RERE: variants seen among roughly 807,000 people sequenced by gnomAD.
RERE encodes arginine-glutamic acid dipeptide repeats protein.
RERE carries 40 observed loss-of-function variants against 146.1 expected under a neutral mutation model. That is an observed-to-expected ratio of 0.27 (90% CI 0.21 to 0.36). The LOEUF (loss-of-function observed/expected upper bound fraction) is 0.36. Ranked by LOEUF, RERE falls within the 10% of genes least tolerant of loss-of-function variation. RERE has a pLI of 1.00. For missense variants in RERE, 1,933 were observed against 2,138.7 expected, an observed-to-expected ratio of 0.90 and a Z score of 1.90; for synonymous variants, 1,003 against 866.0, an observed-to-expected ratio of 1.16 and a Z score of -2.78.
intron 1 of RERE, among the ~76,000 whole-genome samples, chr1:8,666,054 T>C (rs1021884834): frequency 2.0e-5 from 3 of 152,134 alleles, no homozygotes; most frequent in South Asian, 4.1e-4. Flanking sequence ...CCAGAGCCTA[T>C]ATGCTTAACC....
At chr1:8,575,393 T>C (rs911886431) in intron 4 of RERE, among the ~76,000 whole-genome samples, 1 of 151,064 alleles carries the variant, frequency 6.6e-6, no homozygotes, top group African/African-American at 2.4e-5. Flanking sequence ...CTTTTTTTTT[T>C]TTTTTTTAAA....
chr1:8,760,569 G>A (rs1430824602), intron 1 of RERE, among the ~76,000 whole-genome samples: 1 of 152,120 alleles, frequency 6.6e-6, no homozygotes, highest in Non-Finnish European at 1.5e-5. Flanking sequence ...CCAAGAACAG[G>A]TAACTGAATT....
chr1:8,543,636 A>G (rs1293328136), intron 6 of RERE, among the ~76,000 whole-genome samples: 1 of 152,216 alleles, frequency 6.6e-6, no homozygotes, highest in Non-Finnish European at 1.5e-5. Flanking sequence ...TTTGTACTAA[A>G]TAATTATTTA....
At position 8,364,899 on chromosome 1, in the gene RERE, G is replaced by A. The variant is rs1641739340; in HGVS notation, c.1448-61C>T. The A allele has an allele frequency of 4.6e-6, 4 of 862,786 alleles. No homozygotes were observed. Among genetic ancestry groups the A allele is most frequent in the Non-Finnish European group, 5.4e-6 (3 of 553,758 alleles). The allele number at this position is 862,786 out of a possible 1,614,324, so 53.4% of individuals were successfully genotyped here. A position where few individuals can be genotyped will look rare whatever the true frequency, so the allele number is the denominator to read the frequency against. On this transcript the variant is annotated intron_variant, in intron 13 of 22. Transcript: ENST00000400908. The surrounding 1 kb of genome is among the most constrained non-coding windows in gnomAD (Gnocchi z 5.1). ...ACACCATCATGCTCAGCCAAGGCTG[G>A]GCCGGTGGGGTGGGGGGGAGGGGGG...
At chr1:8,803,303 A>G (rs1425356041) in intron 1 of RERE, among the ~76,000 whole-genome samples, 2 of 151,988 alleles carry the variant, frequency 1.3e-5, no homozygotes, top group African/African-American at 2.4e-5. Context: ...CCCCATCTCT[A>G]CTAAAAATAC....
chr1:8,373,446 T>A (rs1251215236), intron 12 of RERE, among the ~76,000 whole-genome samples: 2 of 152,154 alleles, frequency 1.3e-5, no homozygotes, highest in African/African-American at 4.8e-5. Flanking sequence ...AAACTTTTTT[T>A]TAAGGTATGT....
chr1:8,564,727 G>A (rs993511985), intron 4 of RERE, among the ~76,000 whole-genome samples: 4 of 151,884 alleles, frequency 2.6e-5, no homozygotes, highest in Non-Finnish European at 5.9e-5. Context: ...GTTTATCACA[G>A]TACTATTCAC....
At chr1:8,483,955 T>C (rs1176122843) in intron 10 of RERE, among the ~76,000 whole-genome samples, 2 of 152,162 alleles carry the variant, frequency 1.3e-5, no homozygotes, top group Non-Finnish European at 2.9e-5. Flanking sequence ...TATAGTTATG[T>C]TTAGTGTTGG....
intron 1 of RERE, among the ~76,000 whole-genome samples, chr1:8,669,687 G>T (rs1359562460): frequency 6.6e-6 from 1 of 152,138 alleles, no homozygotes; most frequent in Middle Eastern, 3.2e-3. Context: ...GCCTTCTTTG[G>T]ACCACGGTAA....
chr1:8,475,104 T>G (rs4995074), intron 10 of RERE, among the ~76,000 whole-genome samples: 50,112 of 152,154 alleles, frequency 0.33, 8,700 homozygotes, highest in Non-Finnish European at 0.36. Context: ...CCACGTGCAG[T>G]GGCTTACACC....
chr1:8,785,412 A>C (rs553605519), intron 1 of RERE, among the ~76,000 whole-genome samples: 1 of 152,350 alleles, frequency 6.6e-6, no homozygotes. Flanking sequence ...CATATCTTTT[A>C]TATTAAATCA....
At chr1:8,513,703 C>T (rs1446124615) in intron 7 of RERE, among the ~76,000 whole-genome samples, 1 of 152,130 alleles carries the variant, frequency 6.6e-6, no homozygotes, top group Admixed American at 6.5e-5. Flanking sequence ...TTGCTTGAAC[C>T]TGGGAGGCAG....
chr1:8,550,090 C>CTA (rs1438127473), intron 6 of RERE, among the ~76,000 whole-genome samples: 1 of 152,152 alleles, frequency 6.6e-6, no homozygotes, highest in Non-Finnish European at 1.5e-5. Context: ...GATAACTGTA[C>CTA]TATAGTTGTA....
intron 1 of RERE, 71 bp downstream of exon 1, chr1:8,817,089 C>G (rs931203519): frequency 2.0e-5 from 3 of 152,270 alleles, no homozygotes; most frequent in Non-Finnish European, 4.4e-5. Context: ...ACGGCCGACC[C>G]TCTCTGACCA....
intron 1 of RERE, among the ~76,000 whole-genome samples, chr1:8,694,578 G>A (rs1045352957): frequency 1.3e-5 from 2 of 152,010 alleles, no homozygotes. Flanking sequence ...GATCAATATG[G>A]TGAAACCCCA....
At chr1:8,637,687 C>T (rs1387096431) in intron 2 of RERE, among the ~76,000 whole-genome samples, 3 of 152,164 alleles carry the variant, frequency 2.0e-5, no homozygotes, top group African/African-American at 7.2e-5. Context: ...AAAGATTTAC[C>T]CTTCAAAGAT....
intron 12 of RERE, among the ~76,000 whole-genome samples, chr1:8,391,366 C>T (rs1642878340): frequency 6.6e-6 from 1 of 152,180 alleles, no homozygotes; most frequent in Non-Finnish European, 1.5e-5. Context: ...CTCAGGACAT[C>T]CTATTACTGC....
chr1:8,758,116 C>T (rs1278593992), intron 1 of RERE, among the ~76,000 whole-genome samples: 1 of 151,642 alleles, frequency 6.6e-6, no homozygotes, highest in Non-Finnish European at 1.5e-5. Flanking sequence ...GAAAGAATCT[C>T]GCTCTGTCAC....
At chr1:8,501,229 G>A (rs1645146237) in intron 8 of RERE, among the ~76,000 whole-genome samples, 4 of 126,132 alleles carry the variant, frequency 3.2e-5, no homozygotes, top group South Asian at 2.4e-4. Flanking sequence ...CCCCCGCCCG[G>A]CCGGCCGCCC....
Sources: allele counts gnomAD v4.1 joint callset (sites outside exome capture counted in the v4.1 genomes callset), GRCh38; gene constraint gnomAD v4.1.1; non-coding constraint Gnocchi (gnomAD v3.1); transcripts MANE v1.5; gene names NCBI Gene and HGNC (gene_info 2026-07-23, HGNC 2026-07-21).